Variants in ATXN1 observed in about 807,000 individuals in gnomAD.
The protein encoded by ATXN1 is ataxin-1.
In ATXN1, 8 loss-of-function variants were observed where a neutral mutation model predicts 56.4. That is an observed-to-expected ratio of 0.14 (90% CI 0.08 to 0.26). ATXN1 has a LOEUF of 0.26. ATXN1 is among the 10% of genes least tolerant of loss of function. The probability of loss-of-function intolerance (pLI) is 1.00; values close to 1 mark genes in which losing one functional copy is unlikely to be tolerated. For missense variants in ATXN1, 987 were observed against 1,106.5 expected (o/e 0.89, Z 1.53); for synonymous variants, 514 against 494.6 (o/e 1.04, Z -0.52).
rs1258904414 is a variant in ATXN1, at chr6:16,327,714, C to A, written c.597G>T (p.Gln199His). ...GCTGCTGCTGCTGCTGCTGCTGCTGCTGCTGCTGCTCAGCCTTGTGTCCCG... is the reference window on the plus strand; with the variant it reads ...GCTGCTGCTGCTGCTGCTGCTGCTGATGCTGCTGCTCAGCCTTGTGTCCCG... ...QTPGHKAEQQ[Q>H]QQQQQQQQQH... is the part of the protein sequence containing the mutation. Residue 199 changes from glutamine to histidine, a missense_variant, in exon 7 of 8, where the codon CAG (glutamine) becomes CAT (histidine). This residue lies in a region of ATXN1 where 723 missense variants were observed against 791.7 expected (regional missense o/e 0.91). Coordinates refer to ENST00000436367, the MANE Select transcript of ATXN1 (RefSeq NM_001128164.2). 3.7e-6 allele frequency: 6 copies of A among 1,606,076 alleles called. No individual in the cohort carries two copies. The highest frequency in any genetic ancestry group is 2.2e-5 in the East Asian group (1 of 44,838).
intron 6 of ATXN1, among the ~76,000 whole-genome samples, chr6:16,419,686 G>A (rs889535038): frequency 1.1e-4 from 17 of 152,192 alleles, no homozygotes; most frequent in Admixed American, 2.6e-4. Flanking sequence ...GAGGCCTTGA[G>A]GGTACCAGTG....
chr6:16,355,790 C>G (rs939176699), intron 6 of ATXN1, among the ~76,000 whole-genome samples: 1 of 152,296 alleles, frequency 6.6e-6, no homozygotes, highest in African/African-American at 2.4e-5. Context: ...TCTTGAATTC[C>G]TGACCTCAGG....
At chr6:16,594,509 A>C (rs1762780940) in intron 3 of ATXN1, among the ~76,000 whole-genome samples, 1 of 143,490 alleles carries the variant, frequency 7.0e-6, no homozygotes, top group Non-Finnish European at 1.5e-5. Flanking sequence ...TTTGAGACGG[A>C]GTCTCATTCT....
intron 3 of ATXN1, among the ~76,000 whole-genome samples, chr6:16,612,478 G>A (rs1386792522): frequency 6.6e-6 from 1 of 152,160 alleles, no homozygotes; most frequent in African/African-American, 2.4e-5. Context: ...ATCACAGACT[G>A]AGACAATAAA....
intron 3 of ATXN1, among the ~76,000 whole-genome samples, chr6:16,594,770 C>G (rs932415973): frequency 1.3e-5 from 2 of 152,120 alleles, no homozygotes; most frequent in Non-Finnish European, 2.9e-5. Context: ...CGTGAGCCAC[C>G]GTGCCCAGCC....
chr6:16,484,947 ATGTG>A (rs35749735), intron 6 of ATXN1, among the ~76,000 whole-genome samples: 3,804 of 125,972 alleles, frequency 0.03, 66 homozygotes, highest in Middle Eastern at 0.046. Context: ...CTAAATATAT[ATGTG>A]TGTGTGTGTG....
intron 5 of ATXN1, among the ~76,000 whole-genome samples, chr6:16,490,503 TTC>T (rs1453005938): frequency 5.3e-5 from 8 of 152,210 alleles, no homozygotes; most frequent in Non-Finnish European, 1.2e-4. Flanking sequence ...TCCACCACTT[TTC>T]TCTGTGTTAG....
At chr6:16,356,866 CT>C (rs1297687034) in intron 6 of ATXN1, among the ~76,000 whole-genome samples, 3 of 152,160 alleles carry the variant, frequency 2.0e-5, no homozygotes, top group Non-Finnish European at 2.9e-5. Context: ...GCAAAACAAA[CT>C]TTTGATTATA....
Position 16,306,323 on chromosome 6 carries a change from C to T in ATXN1, c.*6G>A. On this transcript the variant is annotated 3_prime_UTR_variant, in exon 8 of 8. Transcript: ENST00000436367. This position sits in a 1 kb window ranked among gnomAD's most constrained non-coding sequence, Gnocchi z 5.2. ...AGAGCCACGTTTCCTTTCCCCCACGCTGCCTCTACTTGCCTACATTAGACC... is the reference window on the plus strand; with the variant it reads ...AGAGCCACGTTTCCTTTCCCCCACGTTGCCTCTACTTGCCTACATTAGACC... The T allele has an allele frequency of 6.3e-7, 1 of 1,592,408 alleles. No individual in the cohort carries two copies. The highest frequency in any genetic ancestry group is 1.1e-5 in the South Asian group (1 of 89,116).
At chr6:16,472,895 T>A (rs1316789649) in intron 6 of ATXN1, among the ~76,000 whole-genome samples, 1 of 152,202 alleles carries the variant, frequency 6.6e-6, no homozygotes, top group East Asian at 1.9e-4. Flanking sequence ...GTCAGTCTGT[T>A]CGAACTCTTT....
At chr6:16,354,407 G>A (rs1442447332) in intron 6 of ATXN1, among the ~76,000 whole-genome samples, 7 of 151,908 alleles carry the variant, frequency 4.6e-5, no homozygotes, top group African/African-American at 1.7e-4. Flanking sequence ...ACAGGTGTGC[G>A]CCACCATGCC....
intron 6 of ATXN1, among the ~76,000 whole-genome samples, chr6:16,426,592 T>C (rs981233096): frequency 2.1e-5 from 3 of 141,582 alleles, no homozygotes; most frequent in African/African-American, 7.9e-5. Context: ...CGAGTGTGTG[T>C]GTGTGTGTGT....
chr6:16,351,535 T>C (rs1761567685), intron 6 of ATXN1, among the ~76,000 whole-genome samples: 1 of 152,090 alleles, frequency 6.6e-6, no homozygotes, highest in African/African-American at 2.4e-5. Context: ...CTTGAGTTGC[T>C]GGGACTACAG....
chr6:16,386,049 C>T (rs1014466547), intron 6 of ATXN1, among the ~76,000 whole-genome samples: 3 of 152,186 alleles, frequency 2.0e-5, no homozygotes, highest in Non-Finnish European at 4.4e-5. Context: ...GAGATAGATG[C>T]TTGGGGTTCT....
intron 3 of ATXN1, among the ~76,000 whole-genome samples, chr6:16,621,696 G>A (rs970747354): frequency 3.3e-5 from 5 of 152,230 alleles, no homozygotes; most frequent in African/African-American, 9.6e-5. Flanking sequence ...CTGGGAGACA[G>A]AGCGAGATTC....
At chr6:16,497,612 T>G (rs1189938928) in intron 5 of ATXN1, among the ~76,000 whole-genome samples, 1 of 152,210 alleles carries the variant, frequency 6.6e-6, no homozygotes, top group African/African-American at 2.4e-5. Context: ...GCCGTGCAAG[T>G]TCCTCCATCT....
intron 6 of ATXN1, among the ~76,000 whole-genome samples, chr6:16,356,813 A>T (rs1761697252): frequency 1.3e-5 from 2 of 152,222 alleles, no homozygotes; most frequent in Admixed American, 1.3e-4. Flanking sequence ...ACTAATTTTC[A>T]AATTAGGCAT....
intron 4 of ATXN1, among the ~76,000 whole-genome samples, chr6:16,579,115 T>A (rs1190823292): frequency 6.6e-6 from 1 of 152,192 alleles, no homozygotes; most frequent in East Asian, 1.9e-4. Flanking sequence ...GATCCCTCTG[T>A]GTCATCGAAA....
chr6:16,718,192 G>A (rs1759676936), intron 2 of ATXN1, among the ~76,000 whole-genome samples: 1 of 152,194 alleles, frequency 6.6e-6, no homozygotes, highest in Non-Finnish European at 1.5e-5. Context: ...GCCCTATTAA[G>A]CAGAAAACAA....
Sources: allele counts gnomAD v4.1 joint callset (sites outside exome capture counted in the v4.1 genomes callset), GRCh38; gene constraint gnomAD v4.1.1; regional missense constraint gnomAD v4.1.1; non-coding constraint Gnocchi (gnomAD v3.1); transcripts MANE v1.5; gene names NCBI Gene and HGNC (gene_info 2026-07-23, HGNC 2026-07-21).